The following TRIM36 variants were observed in gnomAD, a reference collection of about 807,000 sequenced individuals.
The protein encoded by TRIM36 is E3 ubiquitin-protein ligase TRIM36.
In TRIM36, 42 loss-of-function variants were observed where a neutral mutation model predicts 72.4. That is an observed-to-expected ratio of 0.58 (90% CI 0.45 to 0.75). The LOEUF is 0.75. Among genes scored for constraint, TRIM36 ranks in the 30% least tolerant of loss-of-function variants. The pLI, the probability that TRIM36 is intolerant of heterozygous loss-of-function variation, is 0.00. For missense variants in TRIM36, 913 were observed against 857.1 expected (o/e 1.07, Z -0.81); for synonymous variants, 315 against 282.8 (o/e 1.11, Z -1.14).
chr5:115,177,112 A>T (rs1755372403), intron 1 of TRIM36: 1 of 152,372 alleles, frequency 6.6e-6, no homozygotes. Context: ...ATGCTAATTT[A>T]ATTTGAAATA....
chr5:115,178,799 G>A (rs935148888), intron 1 of TRIM36, among the ~76,000 whole-genome samples: 4 of 152,216 alleles, frequency 2.6e-5, no homozygotes, highest in African/African-American at 9.7e-5. Context: ...TTCAGTGCCT[G>A]TAGAACAAGA....
At chr5:115,179,297 C>T (rs1208014153) in intron 1 of TRIM36, among the ~76,000 whole-genome samples, 1 of 152,198 alleles carries the variant, frequency 6.6e-6, no homozygotes, top group African/African-American at 2.4e-5. Flanking sequence ...CGGGCGCCAC[C>T]GACGGCGCCA....
chr5:115,171,482 T>C (rs1020049926), upstream of TRIM36, among the ~76,000 whole-genome samples: 1 of 152,208 alleles, frequency 6.6e-6, no homozygotes, highest in Non-Finnish European at 1.5e-5. Flanking sequence ...CCTATATATA[T>C]ATACATATAT....
chr5:115,130,282 T>G (rs1752605511), intron 9 of TRIM36, among the ~76,000 whole-genome samples: 1 of 152,214 alleles, frequency 6.6e-6, no homozygotes, highest in Admixed American at 6.5e-5. Flanking sequence ...ACGCATTGTA[T>G]TATATACGTG....
chr5:115,162,823 T>C (rs998351134), intron 2 of TRIM36, among the ~76,000 whole-genome samples: 1 of 152,150 alleles, frequency 6.6e-6, no homozygotes, highest in Non-Finnish European at 1.5e-5. Context: ...CATTAGGTAG[T>C]CCCACTCCTT....
chr5:115,146,995 G>A lies in TRIM36; in HGVS notation c.588+74C>T, dbSNP rs149210354. Reference sequence around the variant, plus strand: ...AGTTCTAGACTTAATAATTTATTTCGTAACATTAAGTACATAAAAGTTTCA... The same window carrying A: ...AGTTCTAGACTTAATAATTTATTTCATAACATTAAGTACATAAAAGTTTCA... On this transcript the variant is annotated intron_variant, in intron 3 of 9. Coordinates refer to ENST00000513154, the MANE Select transcript of TRIM36 (RefSeq NM_001300759.2). 945 of 1,296,606 alleles carry A rather than the reference G, an allele frequency of 7.3e-4. 1 individual carries two copies. The highest frequency in any genetic ancestry group is 8.6e-4 in the Non-Finnish European group (818 of 953,932). 80.3% of individuals were successfully genotyped at this position (1,296,606 alleles called of 1,614,324 possible). A position where few individuals can be genotyped will look rare whatever the true frequency, so the allele number is the denominator to read the frequency against.
chr5:115,150,711 C>T (rs183736289), intron 2 of TRIM36, among the ~76,000 whole-genome samples: 1 of 152,282 alleles, frequency 6.6e-6, no homozygotes, highest in African/African-American at 2.4e-5. Flanking sequence ...CTAAATACTG[C>T]GAGGGCCCAA....
chr5:115,174,946 A>T (rs1400221541), intron 1 of TRIM36, among the ~76,000 whole-genome samples: 7 of 152,162 alleles, frequency 4.6e-5, no homozygotes, highest in African/African-American at 1.7e-4. Context: ...GTGGGCAAAG[A>T]AGTTTTCTGG....
chr5:115,148,413 TTC>T (rs1753707434), intron 2 of TRIM36: 38 of 844,946 alleles, frequency 4.5e-5, no homozygotes, highest in South Asian at 3.9e-4. Context: ...TGTAAATCTG[TTC>T]TTTTTTTTTT....
chr5:115,147,645 A>T (rs1051483729), intron 2 of TRIM36, among the ~76,000 whole-genome samples: 2 of 152,020 alleles, frequency 1.3e-5, no homozygotes, highest in Admixed American at 6.5e-5. Flanking sequence ...CCCACATAGA[A>T]TCCATATTAA....
At chr5:115,178,790 T>C (rs1034576120) in intron 1 of TRIM36, among the ~76,000 whole-genome samples, 1 of 152,194 alleles carries the variant, frequency 6.6e-6, no homozygotes, top group Non-Finnish European at 1.5e-5. Flanking sequence ...ATGAATGTAT[T>C]CAGTGCCTGT....
At chr5:115,126,991 C>T in intron 9 of TRIM36, 134 bp from the exon 10 acceptor site, 1 of 921,410 alleles carries the variant, frequency 1.1e-6, no homozygotes, top group Non-Finnish European at 1.6e-6. Flanking sequence ...AAAACAAAAT[C>T]AAAAACATAA....
chr5:115,158,935 T>C (rs1359631497), intron 2 of TRIM36, among the ~76,000 whole-genome samples: 1 of 152,208 alleles, frequency 6.6e-6, no homozygotes, highest in Non-Finnish European at 1.5e-5. Context: ...AGAAAGGGGA[T>C]AAATTTCAGG....
intron 7 of TRIM36, among the ~76,000 whole-genome samples, chr5:115,135,407 A>T (rs1281194278): frequency 6.6e-6 from 1 of 152,136 alleles, no homozygotes; most frequent in Admixed American, 6.5e-5. Flanking sequence ...TTAAAAAAAA[A>T]GTTACAGATT....
Position 115,124,807 on chromosome 5 carries a change from A to G in TRIM36, c.*1696T>C, listed in dbSNP as rs1213664330. 1 of 152,500 alleles carries G rather than the reference A, an allele frequency of 6.6e-6. No homozygotes were observed. The highest frequency in any genetic ancestry group is 1.5e-5 in the Non-Finnish European group (1 of 67,952). The allele number at this position is 152,500 out of a possible 1,614,324, so 9.4% of individuals were successfully genotyped here. A position where few individuals can be genotyped will look rare whatever the true frequency, so the allele number is the denominator to read the frequency against. ...AAAATGAAAGAAACACAGCTAAACA[A>G]TTTATTTACAATTGCACAAGGTTTG... On this transcript the variant is annotated 3_prime_UTR_variant, in exon 10 of 10. Transcript: ENST00000513154.
intron 1 of TRIM36, among the ~76,000 whole-genome samples, chr5:115,176,127 A>G (rs796121881): frequency 2.6e-5 from 4 of 152,138 alleles, no homozygotes; most frequent in African/African-American, 9.6e-5. Flanking sequence ...CTGTGTCTCA[A>G]AAAAAAATAA....
intron 8 of TRIM36, among the ~76,000 whole-genome samples, chr5:115,131,630 C>A (rs1287750725): frequency 6.6e-6 from 1 of 152,058 alleles, no homozygotes; most frequent in East Asian, 1.9e-4. Context: ...ATTATTCAGC[C>A]TTAAAAAGGA....
At chr5:115,154,592 C>T (rs913736104) in intron 2 of TRIM36, among the ~76,000 whole-genome samples, 1 of 152,054 alleles carries the variant, frequency 6.6e-6, no homozygotes, top group African/African-American at 2.4e-5. Flanking sequence ...CTAGAAGAGA[C>T]AGATAAATTA....
chr5:115,152,235 T>C (rs916897152), intron 2 of TRIM36, among the ~76,000 whole-genome samples: 5 of 151,994 alleles, frequency 3.3e-5, no homozygotes, highest in African/African-American at 4.8e-5. Context: ...CTCTGGAAAG[T>C]CTTAGTAACA....
Sources: allele counts gnomAD v4.1 joint callset (sites outside exome capture counted in the v4.1 genomes callset), GRCh38; gene constraint gnomAD v4.1.1; transcripts MANE v1.5; gene names NCBI Gene and HGNC (gene_info 2026-07-23, HGNC 2026-07-21).